Variants in FXYD5 observed in about 807,000 individuals in gnomAD.
The protein encoded by FXYD5 is FXYD domain-containing ion transport regulator 5.
In FXYD5, 21 loss-of-function variants were observed where a neutral mutation model predicts 25.7. The ratio of observed to expected loss-of-function variants is 0.82; its 90% CI spans 0.58 to 1.18. FXYD5 has a LOEUF of 1.18. Ranked by LOEUF, FXYD5 falls within the 50% of genes most tolerant of loss-of-function variation. FXYD5 has a pLI of 0.00. For missense variants in FXYD5, 229 were observed against 227.7 expected (o/e 1.01, Z -0.04); for synonymous variants, 101 against 90.7 (o/e 1.11, Z -0.64).
intron 4 of FXYD5, chr19:35,159,577 C>A (rs768092524): frequency 1.7e-5 from 26 of 1,550,506 alleles, no homozygotes; most frequent in Admixed American, 9.8e-5. Flanking sequence ...CTGTTTCCAG[C>A]TTTTTCTGTC....
At chr19:35,168,674 TC>T (rs2145433491) in intron 8 of FXYD5, among the ~76,000 whole-genome samples, 1 of 152,244 alleles carries the variant, frequency 6.6e-6, no homozygotes, top group East Asian at 1.9e-4. Flanking sequence ...CCCATCTGTG[TC>T]CTCGTACCTC....
intron 2 of FXYD5, among the ~76,000 whole-genome samples, chr19:35,155,990 G>T (rs965195907): frequency 1.3e-5 from 2 of 152,238 alleles, no homozygotes; most frequent in African/African-American, 4.8e-5. Context: ...GTTGAGCTGG[G>T]GTTAGTCCAA....
intron 4 of FXYD5, chr19:35,159,637 C>A: frequency 6.5e-7 from 1 of 1,549,650 alleles, no homozygotes; most frequent in Non-Finnish European, 8.7e-7. Flanking sequence ...CTTGAGCAAA[C>A]GCACTTGGAA....
chr19:35,157,790 T>A (rs2065370930), intron 3 of FXYD5, among the ~76,000 whole-genome samples: 1 of 152,174 alleles, frequency 6.6e-6, no homozygotes, highest in Admixed American at 6.5e-5. Context: ...CTGCTAAGAA[T>A]CCCAGCAAGA....
chr19:35,168,031 C>A (rs540873574), intron 8 of FXYD5, among the ~76,000 whole-genome samples: 32 of 149,688 alleles, frequency 2.1e-4, no homozygotes, highest in African/African-American at 7.7e-4. Context: ...CCAGCATGGG[C>A]AAAATAGCAA....
Position 35,164,219 on chromosome 19 carries a change from CA to C in FXYD5, c.357del (p.Asp120ThrfsTer67). On this transcript the variant is annotated frameshift_variant, in exon 6 of 9. Coordinates refer to ENST00000392219, the MANE Select transcript of FXYD5 (RefSeq NM_014164.6). LOFTEE classifies it high-confidence loss of function. ...ERPSPSTDVQ[T>X]DPQTLKPSGF... ...CCATCCCCAAGCACAGACGTCCAGA[CA>C]GACCCCCAGACCCTCAAGCCATCTG... 1 of 1,612,834 alleles carries C rather than the reference CA, an allele frequency of 6.2e-7. No individual in the cohort carries two copies. The highest frequency in any genetic ancestry group is 8.5e-7 in the Non-Finnish European group (1 of 1,179,522).
chr19:35,163,108 T>A (rs1024504257), intron 5 of FXYD5, among the ~76,000 whole-genome samples: 1 of 152,184 alleles, frequency 6.6e-6, no homozygotes, highest in African/African-American at 2.4e-5. Context: ...GGAATTTGAG[T>A]CCAGACTGTC....
At position 35,164,161 on chromosome 19, in the gene FXYD5, C is replaced by T. The variant is rs1441065188; in HGVS notation, c.298C>T (p.Pro100Ser). ...ETHKSTKAAHPTDDTTTLSER... is the reference protein window; with the variant it reads ...ETHKSTKAAHSTDDTTTLSER... ...TGATCTGGCCACTCTCTCAGCTCAT[C>T]CCACTGATGACACCACGACGCTCTC... Residue 100 changes from proline to serine, a missense_variant, in exon 6 of 9, where the codon CCC becomes TCC. By Grantham distance (74) the Pro-to-Ser change is moderately conservative. Coordinates refer to ENST00000392219, the MANE Select transcript of FXYD5 (RefSeq NM_014164.6). 1 of 1,613,350 alleles carries T rather than the reference C, an allele frequency of 6.2e-7. No homozygotes were observed. Among genetic ancestry groups the T allele is most frequent in the South Asian group, 1.1e-5 (1 of 91,048 alleles).
chr19:35,155,257 T>G (rs1600497294), intron 1 of FXYD5: 2 of 483,080 alleles, frequency 4.1e-6, no homozygotes, highest in Non-Finnish European at 3.7e-6. Context: ...CGCAGGGAGG[T>G]GTTTCTCTGC....
Position 35,166,051 on chromosome 19 carries a change from C to A in FXYD5, c.383-91C>A, listed in dbSNP as rs1043631516. 2.5e-5 allele frequency: 30 copies of A among 1,206,128 alleles called. No individual in the cohort carries two copies. In the African/African-American group the frequency reaches 4.2e-4, roughly 17 times the overall value. 74.7% of individuals were successfully genotyped at this position (1,206,128 alleles called of 1,614,324 possible). A position where few individuals can be genotyped will look rare whatever the true frequency, so the allele number is the denominator to read the frequency against. On this transcript the variant is annotated intron_variant, in intron 6 of 8. Transcript: ENST00000392219. Reference sequence around the variant, plus strand: ...ATTTTGGGTTTTGTTCTAAGGGTACCCAGGTATCCCCCTTTCCTGACTTTG... The same window carrying A: ...ATTTTGGGTTTTGTTCTAAGGGTACACAGGTATCCCCCTTTCCTGACTTTG...
intron 4 of FXYD5, chr19:35,159,763 G>C: frequency 2.5e-6 from 3 of 1,221,848 alleles, no homozygotes; most frequent in Non-Finnish European, 3.3e-6. Context: ...TTACAGACAA[G>C]GAAACAGAGG....
intron 5 of FXYD5, among the ~76,000 whole-genome samples, chr19:35,163,729 G>A (rs1017707660): frequency 3.3e-5 from 5 of 152,012 alleles, no homozygotes; most frequent in African/African-American, 4.8e-5. Context: ...TGATCTGCCC[G>A]CCTCAGTCTC....
intron 2 of FXYD5, 30 bp downstream of exon 2, chr19:35,155,641 C>T: frequency 6.6e-7 from 1 of 1,522,952 alleles, no homozygotes; most frequent in Non-Finnish European, 9.1e-7. Flanking sequence ...TCCACCCTGC[C>T]CCAGAGCCCC....
At chr19:35,162,156 G>C (rs958126144) in intron 5 of FXYD5, among the ~76,000 whole-genome samples, 4 of 152,164 alleles carry the variant, frequency 2.6e-5, no homozygotes, top group Admixed American at 1.3e-4. Context: ...ATTGGTCCAT[G>C]TTCCTGGATA....
Position 35,163,038 on chromosome 19 carries a change from C to T in FXYD5, c.293-1118C>T, listed in dbSNP as rs563162306. Among the ~76,000 whole-genome samples the T allele has an allele frequency of 1.1e-4, 17 of 152,336 alleles. No individual in the cohort carries two copies. In the South Asian group the frequency reaches 2.3e-3, roughly 20 times the overall value. On this transcript the variant is annotated intron_variant, in intron 5 of 8. Coordinates refer to ENST00000392219, the MANE Select transcript of FXYD5 (RefSeq NM_014164.6). ...TACTCCCATTTTACAGGAAAAGGAA[C>T]TGAGGCCCAGAGAGGTTACTCAGCT...
chr19:35,168,072 A>T (rs1481108745), intron 8 of FXYD5, among the ~76,000 whole-genome samples: 1 of 144,020 alleles, frequency 6.9e-6, no homozygotes, highest in Admixed American at 7.1e-5. Flanking sequence ...AATTTTTTTT[A>T]CTTAAAAAAA....
Position 35,169,868 on chromosome 19 carries a change from AC to A in FXYD5, c.*254del, listed in dbSNP as rs1444959116. The A allele has an allele frequency of 2.0e-6, 1 of 494,826 alleles. No individual in the cohort carries two copies. Among genetic ancestry groups the A allele is most frequent in the African/African-American group, 2.0e-5 (1 of 51,116 alleles). The allele number at this position is 494,826 out of a possible 1,614,324, so 30.7% of individuals were successfully genotyped here. On this transcript the variant is annotated 3_prime_UTR_variant, in exon 9 of 9. Coordinates refer to ENST00000392219, the MANE Select transcript of FXYD5 (RefSeq NM_014164.6). ...CCTCTGCTAAGACAAAAAGTAAAGCACTGTGGTCTTTGCCCCAGGATCTCTG... is the reference window on the plus strand; with the variant it reads ...CCTCTGCTAAGACAAAAAGTAAAGCATGTGGTCTTTGCCCCAGGATCTCTG...
intron 6 of FXYD5, 102 bp from the exon 7 acceptor site, chr19:35,166,040 T>C: frequency 9.1e-7 from 1 of 1,098,744 alleles, no homozygotes; most frequent in Non-Finnish European, 1.4e-6. Context: ...TGGGTTTTGT[T>C]CTAAGGGTAC....
At chr19:35,167,443 C>T (rs1388555020) in intron 8 of FXYD5, among the ~76,000 whole-genome samples, 2 of 152,174 alleles carry the variant, frequency 1.3e-5, no homozygotes, top group South Asian at 2.1e-4. Context: ...ATACCTAAAC[C>T]TCCCTCTCCT....
Sources: allele counts gnomAD v4.1 joint callset (sites outside exome capture counted in the v4.1 genomes callset), GRCh38; gene constraint gnomAD v4.1.1; transcripts MANE v1.5; gene names NCBI Gene and HGNC (gene_info 2026-07-23, HGNC 2026-07-21).